UBE2D2: variants seen among roughly 807,000 people sequenced by gnomAD.
UBE2D2 encodes the protein ubiquitin-conjugating enzyme E2 D2.
Under a neutral mutation model 24.2 loss-of-function variants are expected in UBE2D2, and 2 were observed. The ratio of observed to expected loss-of-function variants is 0.08; its 90% CI spans 0.03 to 0.26. The LOEUF (loss-of-function observed/expected upper bound fraction) is 0.26, where lower values mean the gene tolerates loss of function less well. Among genes scored for constraint, UBE2D2 ranks in the 10% least tolerant of loss-of-function variants. UBE2D2 has a pLI of 1.00. For synonymous variants in UBE2D2, 58 were observed against 56.5 expected (o/e 1.03, Z -0.12); for missense variants, 44 against 177.6 (o/e 0.25, Z 4.28).
chr5:139,555,923 T>TGAA (rs1752975822), intron 1 of UBE2D2, among the ~76,000 whole-genome samples: 1 of 35,146 alleles, frequency 2.8e-5, no homozygotes, highest in African/African-American at 1.1e-4. Context: ...AGACTCCATC[T>TGAA]CAAAAAAAAA....
At chr5:139,598,393 G>A (rs1754003015) in intron 1 of UBE2D2, among the ~76,000 whole-genome samples, 1 of 151,842 alleles carries the variant, frequency 6.6e-6, no homozygotes, top group Non-Finnish European at 1.5e-5. Flanking sequence ...CAAGCTGAGG[G>A]GAAATGGAAT....
upstream of UBE2D2, among the ~76,000 whole-genome samples, chr5:139,558,764 T>C (rs562380388): frequency 4.5e-4 from 69 of 152,202 alleles, no homozygotes; most frequent in South Asian, 4.8e-3. Context: ...TGACTTTTAT[T>C]TCCTTCCTTT....
chr5:139,617,475 C>G (rs1048790526), intron 5 of UBE2D2, among the ~76,000 whole-genome samples: 2 of 147,352 alleles, frequency 1.4e-5, no homozygotes, highest in Non-Finnish European at 3.0e-5. Flanking sequence ...CTCCCGGGTT[C>G]AAGCAATTCT....
At chr5:139,562,866 A>G (rs1011846216) in intron 1 of UBE2D2, among the ~76,000 whole-genome samples, 18 of 151,984 alleles carry the variant, frequency 1.2e-4, no homozygotes, top group African/African-American at 4.4e-4. Flanking sequence ...AGGCACCACT[A>G]TTAATTTCTG....
At chr5:139,566,341 G>A (rs918415612) in intron 1 of UBE2D2, among the ~76,000 whole-genome samples, 14 of 151,812 alleles carry the variant, frequency 9.2e-5, no homozygotes, top group Admixed American at 5.3e-4. Flanking sequence ...CTTTTAAGGC[G>A]TCTCAAGACA....
At chr5:139,529,255 G>T (rs1752573313) in intron 1 of UBE2D2, among the ~76,000 whole-genome samples, 1 of 152,130 alleles carries the variant, frequency 6.6e-6, no homozygotes, top group African/African-American at 2.4e-5. Context: ...AACCTCCCAA[G>T]ATCACAGTCT....
intron 1 of UBE2D2, among the ~76,000 whole-genome samples, chr5:139,541,139 A>G (rs1186268891): frequency 1.3e-5 from 2 of 151,614 alleles, no homozygotes; most frequent in African/African-American, 4.9e-5. Flanking sequence ...CTCTACTAAA[A>G]ATACAAAAAT....
At chr5:139,527,779 GT>G (rs1369724842) in intron 1 of UBE2D2, among the ~76,000 whole-genome samples, 1 of 152,198 alleles carries the variant, frequency 6.6e-6, no homozygotes, top group Non-Finnish European at 1.5e-5. Flanking sequence ...AGCAAAAAAT[GT>G]TGTATAATTT....
intron 2 of UBE2D2, among the ~76,000 whole-genome samples, chr5:139,609,763 C>CTTTTTTTG (rs1179856292): frequency 6.9e-6 from 1 of 144,390 alleles, no homozygotes; most frequent in Non-Finnish European, 1.5e-5. Flanking sequence ...TTCTTTCTTT[C>CTTTTTTTG]TTTTTTTGTT....
At chr5:139,550,807 C>T (rs1261345574) in intron 1 of UBE2D2, among the ~76,000 whole-genome samples, 1 of 152,004 alleles carries the variant, frequency 6.6e-6, no homozygotes, top group African/African-American at 2.4e-5. Flanking sequence ...GACCACAAAT[C>T]CACCAGAAGG....
chr5:139,581,321 C>T (rs1049775788), intron 1 of UBE2D2, among the ~76,000 whole-genome samples: 7 of 151,900 alleles, frequency 4.6e-5, no homozygotes, highest in Non-Finnish European at 8.8e-5. Context: ...CGGTGGTGAG[C>T]GCCTGTAATC....
At chr5:139,619,708 C>G (rs1014066834) in intron 5 of UBE2D2, among the ~76,000 whole-genome samples, 1 of 151,990 alleles carries the variant, frequency 6.6e-6, no homozygotes, top group African/African-American at 2.4e-5. Context: ...ACCAAAAATA[C>G]AAAAATTAGC....
intron 1 of UBE2D2, among the ~76,000 whole-genome samples, chr5:139,582,814 G>A (rs1753634226): frequency 1.3e-5 from 2 of 151,538 alleles, no homozygotes; most frequent in Non-Finnish European, 2.9e-5. Context: ...GGGACTGCAG[G>A]CATCCGCCGC....
intron 1 of UBE2D2, among the ~76,000 whole-genome samples, chr5:139,535,459 CA>C (rs1485167822): frequency 2.5e-4 from 35 of 141,166 alleles, no homozygotes; most frequent in African/African-American, 9.2e-4. Flanking sequence ...CAAAAAAAAA[CA>C]AAAAACAAAA....
At chr5:139,572,844 A>G (rs1753382809) in intron 1 of UBE2D2, among the ~76,000 whole-genome samples, 2 of 151,810 alleles carry the variant, frequency 1.3e-5, no homozygotes, top group South Asian at 2.1e-4. Flanking sequence ...AGGTTTCACC[A>G]TGTTGACCAG....
chr5:139,527,240 G>A (rs1013714615), intron 1 of UBE2D2, among the ~76,000 whole-genome samples: 1 of 151,986 alleles, frequency 6.6e-6, no homozygotes, highest in Non-Finnish European at 1.5e-5. Context: ...CAAAGCACCC[G>A]GACCAGTTTC....
At chr5:139,539,586 T>C (rs1369759831) in intron 1 of UBE2D2, among the ~76,000 whole-genome samples, 1 of 152,022 alleles carries the variant, frequency 6.6e-6, no homozygotes, top group African/African-American at 2.4e-5. Flanking sequence ...TGTACCAACA[T>C]CAATTTCCTA....
chr5:139,582,726 A>G (rs1753631621), intron 1 of UBE2D2, among the ~76,000 whole-genome samples: 1 of 139,572 alleles, frequency 7.2e-6, no homozygotes, highest in Admixed American at 7.8e-5. Context: ...GCTGGAGTGC[A>G]GTGGCTCAAT....
intron 1 of UBE2D2, among the ~76,000 whole-genome samples, chr5:139,572,244 A>C (rs1362696614): frequency 6.6e-6 from 1 of 152,146 alleles, no homozygotes; most frequent in Non-Finnish European, 1.5e-5. Flanking sequence ...ATGCTTATCA[A>C]AGTAGTATTG....
Sources: gnomAD v4.1 joint callset for allele counts (sites outside exome capture counted in the v4.1 genomes callset) on GRCh38, gnomAD v4.1.1 for gene constraint, MANE v1.5 for transcripts, NCBI Gene and HGNC (gene_info 2026-07-23, HGNC 2026-07-21) for gene names.